CFAP92: variants seen among roughly 807,000 people sequenced by gnomAD.
The protein encoded by CFAP92 is cilia and flagella associated protein 92 (putative), also known as uncharacterized protein CFAP92.
Under a neutral mutation model 106.3 loss-of-function variants are expected in CFAP92, and 86 were observed. The observed-to-expected ratio is 0.81, with a 90% CI of 0.68 to 0.97. The LOEUF is 0.97. Ranked by LOEUF, CFAP92 falls within the 50% of genes least tolerant of loss-of-function variation. The pLI is 0.00. For synonymous variants in CFAP92, 477 were observed against 506.4 expected (o/e 0.94, Z 0.78); for missense variants, 1,204 against 1,283.8 (o/e 0.94, Z 0.95).
At chr3:128,912,435 C>T in intron 15 of CFAP92, 1 of 1,397,116 alleles carries the variant, frequency 7.2e-7, no homozygotes, top group East Asian at 2.3e-5. Context: ...TGGAAAAATG[C>T]CCCCACTTCA....
intron 10 of CFAP92, 59 bp downstream of exon 10, chr3:128,945,012 C>T (rs1432215531): frequency 1.4e-6 from 2 of 1,400,552 alleles, no homozygotes; most frequent in African/African-American, 1.4e-5. Flanking sequence ...AAGACCTCTC[C>T]ACTCCCTCGG....
intron 4 of CFAP92, among the ~76,000 whole-genome samples, chr3:128,984,724 C>T (rs1297556314): frequency 6.6e-6 from 1 of 152,170 alleles, no homozygotes; most frequent in African/African-American, 2.4e-5. Context: ...TTAGCCCTTC[C>T]CTCTAGAGAA....
chr3:128,915,987 C>T, intron 13 of CFAP92, 120 bp downstream of exon 13: 1 of 644,742 alleles, frequency 1.6e-6, no homozygotes, highest in Non-Finnish European at 2.2e-6. Flanking sequence ...GTCTACTTCC[C>T]CTAGCTGATT....
At chr3:128,935,365 TG>T in intron 10 of CFAP92, 46 bp from the exon 11 acceptor site, 3 of 1,323,156 alleles carry the variant, frequency 2.3e-6, no homozygotes, top group Non-Finnish European at 3.1e-6. Flanking sequence ...GGCAGCTTCC[TG>T]GGACACCGTG....
At chr3:129,018,594 C>A in the CFAP92 span, among the ~76,000 whole-genome samples, 1 of 152,150 alleles carries the variant, frequency 6.6e-6, no homozygotes, top group South Asian at 2.1e-4. Flanking sequence ...GTATGCCAGC[C>A]CTGAGTCAAA....
intron 9 of CFAP92, among the ~76,000 whole-genome samples, 154 bp from the exon 10 acceptor site, chr3:128,946,129 G>C (rs1365073582): frequency 6.6e-6 from 1 of 152,150 alleles, no homozygotes; most frequent in Non-Finnish European, 1.5e-5. Context: ...ACACTACTGT[G>C]CAAGGTCATT....
chr3:128,919,605 A>G (rs777282687), intron 12 of CFAP92, among the ~76,000 whole-genome samples: 13 of 152,262 alleles, frequency 8.5e-5, no homozygotes, highest in Non-Finnish European at 1.5e-4. Context: ...TGAGAGTCCA[A>G]GAATCTGGAG....
intron 9 of CFAP92, among the ~76,000 whole-genome samples, chr3:128,961,734 C>T (rs887786575): frequency 2.5e-4 from 38 of 152,232 alleles, no homozygotes; most frequent in Non-Finnish European, 1.6e-4. Flanking sequence ...TCTCAATATA[C>T]ATTTTATTAC....
the CFAP92 span, among the ~76,000 whole-genome samples, chr3:129,011,435 C>T: frequency 6.6e-6 from 1 of 151,954 alleles, no homozygotes; most frequent in East Asian, 1.9e-4. Flanking sequence ...CCTGTAATCC[C>T]AGCTACTTGG....
intron 11 of CFAP92, among the ~76,000 whole-genome samples, chr3:128,933,617 G>A (rs1011461459): frequency 6.6e-6 from 1 of 152,212 alleles, no homozygotes; most frequent in African/African-American, 2.4e-5. Flanking sequence ...AGTGACCCTG[G>A]CCCAGCCTTA....
At chr3:129,010,323 G>A in the CFAP92 span, among the ~76,000 whole-genome samples, 1 of 152,218 alleles carries the variant, frequency 6.6e-6, no homozygotes, top group South Asian at 2.1e-4. The surrounding 1 kb of genome is among the most constrained non-coding windows in gnomAD (Gnocchi z 4.3). Flanking sequence ...TCCCCTTGAT[G>A]GGGCCTTCAG....
At position 129,001,608 on chromosome 3, in the gene CFAP92, AGC is replaced by A; in HGVS notation, n.117+964_117+965del. On this transcript the variant is annotated intron_variant and non_coding_transcript_variant, in intron 1 of 4. Coordinates refer to the CFAP92 transcript ENST00000510149. Reference sequence around the variant, plus strand: ...AAGGGACCGGAGGAGGGACCGGAGGAGCGAGGCGCGCGGCGCAGCGATGGAGC... The same window carrying A: ...AAGGGACCGGAGGAGGGACCGGAGGAGAGGCGCGCGGCGCAGCGATGGAGC... 13 of 1,355,236 alleles carry A rather than the reference AGC, an allele frequency of 9.6e-6. No homozygotes were observed. The South Asian group carries it at 2.4e-4, about 25-fold the overall frequency. 84.0% of individuals were successfully genotyped at this position (1,355,236 alleles called of 1,614,324 possible). A position where few individuals can be genotyped will look rare whatever the true frequency, so the allele number is the denominator to read the frequency against.
chr3:128,962,639 C>T (rs1942030934), intron 9 of CFAP92, among the ~76,000 whole-genome samples: 1 of 152,066 alleles, frequency 6.6e-6, no homozygotes, highest in Non-Finnish European at 1.5e-5. Context: ...GATCACGCAC[C>T]CCTTACCATC....
At chr3:129,020,107 A>T in the CFAP92 span, among the ~76,000 whole-genome samples, 7 of 152,168 alleles carry the variant, frequency 4.6e-5, no homozygotes, top group African/African-American at 1.7e-4. Flanking sequence ...TGTGGTTACC[A>T]TATTGGACGA....
chr3:128,960,681 T>C (rs549467636), intron 9 of CFAP92, among the ~76,000 whole-genome samples: 36 of 152,366 alleles, frequency 2.4e-4, no homozygotes, highest in African/African-American at 8.4e-4. Flanking sequence ...ACGCCTGCCT[T>C]GGTCCTTCAC....
chr3:129,025,379 G>A, the CFAP92 span, among the ~76,000 whole-genome samples: 1 of 152,166 alleles, frequency 6.6e-6, no homozygotes, highest in Non-Finnish European at 1.5e-5. Context: ...CACGGGAAGA[G>A]TGTGTAAGCG....
At chr3:128,960,242 G>C (rs946952704) in intron 9 of CFAP92, among the ~76,000 whole-genome samples, 3 of 152,182 alleles carry the variant, frequency 2.0e-5, no homozygotes, top group Non-Finnish European at 4.4e-5. Context: ...TCACACGGAC[G>C]CGCATGAAAT....
chr3:128,972,096 T>C (rs929963490), intron 7 of CFAP92, among the ~76,000 whole-genome samples: 2 of 152,232 alleles, frequency 1.3e-5, no homozygotes, highest in Non-Finnish European at 2.9e-5. Flanking sequence ...ATAAGTTATA[T>C]TGATTATCCA....
intron 8 of CFAP92, chr3:128,971,034 T>C: frequency 1.9e-6 from 1 of 521,834 alleles, no homozygotes; most frequent in South Asian, 2.9e-5. Context: ...CCTTGGATTT[T>C]GGAATCAAAC....
Sources: allele counts gnomAD v4.1 joint callset (sites outside exome capture counted in the v4.1 genomes callset), GRCh38; gene constraint gnomAD v4.1.1; non-coding constraint Gnocchi (gnomAD v3.1); transcripts MANE v1.5; gene names NCBI Gene and HGNC (gene_info 2026-07-23, HGNC 2026-07-21).